The following SHPRH variants were observed in gnomAD, a reference collection of about 807,000 sequenced individuals.
SHPRH encodes E3 ubiquitin-protein ligase SHPRH.
In SHPRH, 106 loss-of-function variants were observed where a neutral mutation model predicts 202.5. The observed-to-expected ratio is 0.52, with a 90% CI of 0.45 to 0.62. SHPRH has a LOEUF of 0.62. SHPRH is among the 20% of genes least tolerant of loss of function. The probability of loss-of-function intolerance (pLI) is 0.00; values close to 1 mark genes in which losing one functional copy is unlikely to be tolerated. For missense variants in SHPRH, 1,710 were observed against 2,020.0 expected, an observed-to-expected ratio of 0.85 and a Z score of 2.94; for synonymous variants, 729 against 686.0, an observed-to-expected ratio of 1.06 and a Z score of -0.98.
intron 17 of SHPRH, among the ~76,000 whole-genome samples, chr6:145,924,503 C>T (rs1367260158): frequency 6.6e-6 from 1 of 151,782 alleles, no homozygotes; most frequent in Non-Finnish European, 1.5e-5. Flanking sequence ...TAAGAGAAAA[C>T]CCATGAGTTC....
At chr6:145,952,530 T>C (rs1242045926) in intron 2 of SHPRH, 52 bp from the exon 3 acceptor site, 1 of 1,537,416 alleles carries the variant, frequency 6.5e-7, no homozygotes, top group Non-Finnish European at 8.8e-7. Context: ...TATACCATTC[T>C]TTATGAGGAC....
chr6:145,949,676 C>T (rs1787774920), intron 4 of SHPRH, among the ~76,000 whole-genome samples: 1 of 151,968 alleles, frequency 6.6e-6, no homozygotes, highest in Non-Finnish European at 1.5e-5. Context: ...CACCACTATG[C>T]AATTCATCCA....
chr6:145,922,921 A>T (rs548577585), intron 18 of SHPRH, 85 bp from the exon 19 acceptor site: 22 of 1,431,872 alleles, frequency 1.5e-5, no homozygotes, highest in Admixed American at 1.4e-4. Context: ...GTTGCCAAAC[A>T]AAGTGTTAAA....
At chr6:145,953,238 C>T (rs1788163643) in intron 2 of SHPRH, among the ~76,000 whole-genome samples, 1 of 151,984 alleles carries the variant, frequency 6.6e-6, no homozygotes, top group Non-Finnish European at 1.5e-5. Context: ...AACAGGAATC[C>T]ACCAGCCTTA....
downstream of SHPRH, chr6:145,884,374 T>C (rs1329425848): frequency 6.6e-6 from 1 of 152,204 alleles, no homozygotes; most frequent in Non-Finnish European, 1.5e-5. Flanking sequence ...CACTTTACAT[T>C]GTATGTATCT....
chr6:145,875,773 T>C (rs1462697775), intron 2 of SHPRH, among the ~76,000 whole-genome samples: 1 of 152,090 alleles, frequency 6.6e-6, no homozygotes. Context: ...TTCAGTTGAG[T>C]TTCAATTACA....
intron 25 of SHPRH, among the ~76,000 whole-genome samples, chr6:145,901,795 T>C (rs118079203): frequency 0.015 from 2,238 of 152,240 alleles, 17 homozygotes; most frequent in Non-Finnish European, 0.022. Context: ...ACTCCCATCC[T>C]TTCTCCTTAG....
chr6:145,940,309 C>A (rs1331984887), intron 11 of SHPRH, among the ~76,000 whole-genome samples: 3 of 152,010 alleles, frequency 2.0e-5, no homozygotes, highest in African/African-American at 7.2e-5. Context: ...TTATAGTCTC[C>A]ATTTTCATAG....
At chr6:145,940,850 A>G in intron 10 of SHPRH, 49 bp from the exon 11 acceptor site, 2 of 1,593,636 alleles carry the variant, frequency 1.3e-6, no homozygotes, top group Non-Finnish European at 1.7e-6. Flanking sequence ...AAAACCACAG[A>G]AAGAACACAG....
At chr6:145,897,193 T>C (rs970620325) in intron 25 of SHPRH, among the ~76,000 whole-genome samples, 2 of 151,832 alleles carry the variant, frequency 1.3e-5, no homozygotes, top group Non-Finnish European at 2.9e-5. Flanking sequence ...TAAAAAATTA[T>C]AAATGAAAGT....
intron 13 of SHPRH, 36 bp downstream of exon 13, chr6:145,934,871 T>A: frequency 6.4e-7 from 1 of 1,570,316 alleles, no homozygotes; most frequent in Middle Eastern, 1.7e-4. Flanking sequence ...TATTATGATA[T>A]ACCAACTGCA....
Position 145,943,581 on chromosome 6 carries a change from G to C in SHPRH, c.1800C>G (p.His600Gln), listed in dbSNP as rs757182109. 1 of 1,613,966 alleles carries C rather than the reference G, an allele frequency of 6.2e-7. No individual in the cohort carries two copies. Among genetic ancestry groups the C allele is most frequent in the Non-Finnish European group, 8.5e-7 (1 of 1,179,926 alleles). The change falls in exon 9 of 30, where the codon CAC becomes CAG. Residue 600 changes from histidine (H) to glutamine (Q), a missense_variant. Coordinates refer to ENST00000275233, the MANE Select transcript of SHPRH (RefSeq NM_001042683.3). ...QPFINPDSQG[H>Q]CPATSDSGIT... ...TTCCAGAGTCGCTAGTAGCTGGACA[G>C]TGACCTTGTGAATCGGGATTGATAA...
At chr6:145,902,948 C>T (rs1002613450) in intron 25 of SHPRH, among the ~76,000 whole-genome samples, 4 of 152,046 alleles carry the variant, frequency 2.6e-5, no homozygotes, top group Non-Finnish European at 2.9e-5. Context: ...GAAGTCTCTA[C>T]TGTGTGTTCA....
intron 14 of SHPRH, among the ~76,000 whole-genome samples, chr6:145,928,493 G>C (rs984318743): frequency 2.6e-5 from 4 of 151,660 alleles, no homozygotes; most frequent in Non-Finnish European, 5.9e-5. Flanking sequence ...CTGGTTTTAT[G>C]AATATCATGT....
chr6:145,870,553 C>T (rs1314309200), intron 2 of SHPRH, among the ~76,000 whole-genome samples: 7 of 152,128 alleles, frequency 4.6e-5, no homozygotes, highest in Admixed American at 1.3e-4. Context: ...TGAGCCACTG[C>T]GCCTGGCCTC....
intron 14 of SHPRH, among the ~76,000 whole-genome samples, chr6:145,928,983 T>C (rs1003998137): frequency 6.6e-6 from 1 of 151,920 alleles, no homozygotes; most frequent in African/African-American, 2.4e-5. Context: ...ATGAATTCTA[T>C]CAGTATTTAT....
At chr6:145,927,797 T>C (rs1393199324) in intron 14 of SHPRH, among the ~76,000 whole-genome samples, 1 of 151,978 alleles carries the variant, frequency 6.6e-6, no homozygotes, top group African/African-American at 2.4e-5. Flanking sequence ...GCCAAATAAT[T>C]TGCAATTAAA....
chr6:145,948,189 G>A, intron 5 of SHPRH, 83 bp downstream of exon 5: 4 of 1,028,600 alleles, frequency 3.9e-6, no homozygotes, highest in Non-Finnish European at 5.7e-6. Flanking sequence ...TAGAGTCAAA[G>A]TTACAGATAT....
intron 2 of SHPRH, among the ~76,000 whole-genome samples, chr6:145,867,631 T>TATATATATATAG (rs1554220329): frequency 7.6e-4 from 17 of 22,312 alleles, no homozygotes; most frequent in Non-Finnish European, 1.1e-3. Context: ...TATATATATA[T>TATATATATATAG]AGAGAGAGAG....
Sources: allele counts gnomAD v4.1 joint callset (sites outside exome capture counted in the v4.1 genomes callset), GRCh38; gene constraint gnomAD v4.1.1; transcripts MANE v1.5; gene names NCBI Gene and HGNC (gene_info 2026-07-23, HGNC 2026-07-21).